The following SPAG16 variants were observed in gnomAD, a reference collection of about 807,000 sequenced individuals.
SPAG16 encodes sperm associated antigen 16.
Under a neutral mutation model 80.4 loss-of-function variants are expected in SPAG16, and 86 were observed. The ratio of observed to expected loss-of-function variants is 1.07; its 90% confidence interval spans 0.90 to 1.28. The LOEUF is 1.28. Ranked by LOEUF, SPAG16 falls within the 50% of genes most tolerant of loss-of-function variation. The pLI is 0.00. For missense variants in SPAG16, 870 were observed against 765.3 expected, an observed-to-expected ratio of 1.14 and a Z score of -1.61; for synonymous variants, 294 against 265.9, an observed-to-expected ratio of 1.11 and a Z score of -1.03.
At chr2:213,419,978 T>C (rs2069491532) in intron 9 of SPAG16, among the ~76,000 whole-genome samples, 1 of 152,226 alleles carries the variant, frequency 6.6e-6, no homozygotes, top group African/African-American at 2.4e-5. Context: ...CAGGTTGCAT[T>C]TACAATAATC....
intron 15 of SPAG16, among the ~76,000 whole-genome samples, chr2:214,228,026 A>AATTGTTAT (rs1688401749): frequency 6.6e-6 from 1 of 151,992 alleles, no homozygotes; most frequent in African/African-American, 2.4e-5. Flanking sequence ...ACAAGAAAAT[A>AATTGTTAT]ATTGAATATT....
chr2:213,648,282 G>T (rs1287473649), intron 10 of SPAG16, among the ~76,000 whole-genome samples: 2 of 152,092 alleles, frequency 1.3e-5, no homozygotes. Flanking sequence ...TGTTAATTAA[G>T]TAGCAGGTGT....
intron 9 of SPAG16, among the ~76,000 whole-genome samples, chr2:213,397,781 T>C (rs972203762): frequency 6.6e-6 from 1 of 152,190 alleles, no homozygotes; most frequent in Non-Finnish European, 1.5e-5. Flanking sequence ...GCTCAGTTCT[T>C]GACCCTCTGT....
At chr2:213,407,394 G>T (rs2068671570) in intron 9 of SPAG16, among the ~76,000 whole-genome samples, 1 of 151,934 alleles carries the variant, frequency 6.6e-6, no homozygotes, top group South Asian at 2.1e-4. Flanking sequence ...GACAGGCAAG[G>T]TGAGACACCC....
At chr2:213,693,074 A>G (rs528324623) in intron 10 of SPAG16, among the ~76,000 whole-genome samples, 5 of 152,344 alleles carry the variant, frequency 3.3e-5, no homozygotes, top group African/African-American at 1.2e-4. Flanking sequence ...TGCATTTCTA[A>G]GCAAACTATA....
At chr2:214,201,718 GATTATATGA>G (rs1052932044) in intron 15 of SPAG16, among the ~76,000 whole-genome samples, 1 of 152,336 alleles carries the variant, frequency 6.6e-6, no homozygotes, top group Non-Finnish European at 1.5e-5. Context: ...TTCTGGAATA[GATTATATGA>G]TATTCTCTGG....
intron 5 of SPAG16, among the ~76,000 whole-genome samples, chr2:213,333,390 G>T (rs1181043618): frequency 2.0e-5 from 3 of 152,058 alleles, no homozygotes; most frequent in African/African-American, 7.2e-5. Flanking sequence ...ATGTTTATGG[G>T]TTCTAAGAAT....
intron 15 of SPAG16, among the ~76,000 whole-genome samples, chr2:214,268,488 A>G (rs1489606986): frequency 6.6e-6 from 1 of 151,950 alleles, no homozygotes; most frequent in Non-Finnish European, 1.5e-5. Flanking sequence ...TAAATTTGTC[A>G]TTTTTGACAA....
chr2:213,294,601 T>A lies in SPAG16; in HGVS notation c.137-1463T>A, dbSNP rs2062426109. Among the ~76,000 whole-genome samples, 3 of 152,208 alleles carry A rather than the reference T, an allele frequency of 2.0e-5. No homozygotes were observed. The South Asian group carries it at 6.2e-4, about 31-fold the overall frequency. On this transcript the variant is annotated intron_variant, in intron 1 of 15. Transcript: ENST00000331683. The stretch of plus-strand genomic sequence containing the variant: ...TTAGGAGAGGCACTTATTCATGTTT[T>A]ACAATAAAATACTGACCTTTTGACA...
chr2:214,232,083 T>C (rs1688739138), intron 15 of SPAG16, among the ~76,000 whole-genome samples: 1 of 151,998 alleles, frequency 6.6e-6, no homozygotes, highest in African/African-American at 2.4e-5. Context: ...TTAAAAGTGA[T>C]ATTAGAATGT....
intron 10 of SPAG16, among the ~76,000 whole-genome samples, chr2:213,510,874 C>A (rs73988526): frequency 6.6e-6 from 1 of 152,046 alleles, no homozygotes; most frequent in Non-Finnish European, 1.5e-5. Flanking sequence ...AATCCTGGAA[C>A]CAATTTATAG....
intron 10 of SPAG16, among the ~76,000 whole-genome samples, chr2:213,674,759 C>T (rs2063975322): frequency 6.7e-6 from 1 of 150,340 alleles, no homozygotes. Flanking sequence ...GTATATGTGC[C>T]ACATTTTCTT....
intron 10 of SPAG16, among the ~76,000 whole-genome samples, chr2:213,798,987 G>A (rs2071211435): frequency 1.3e-5 from 2 of 152,110 alleles, no homozygotes; most frequent in African/African-American, 2.4e-5. Flanking sequence ...TTTGTAATAA[G>A]TTTTGAAATG....
intron 10 of SPAG16, among the ~76,000 whole-genome samples, chr2:213,759,889 G>A (rs1162951655): frequency 2.0e-5 from 3 of 151,956 alleles, no homozygotes; most frequent in Admixed American, 1.3e-4. Flanking sequence ...ACAAAAAATA[G>A]CTAGGTGTGG....
intron 10 of SPAG16, among the ~76,000 whole-genome samples, chr2:213,585,343 CT>C (rs1480290481): frequency 6.8e-6 from 1 of 147,898 alleles, no homozygotes; most frequent in Non-Finnish European, 1.5e-5. Flanking sequence ...GTGGTGCGAT[CT>C]TGGCTCACTG....
At chr2:213,697,848 C>A (rs562395769) in intron 10 of SPAG16, among the ~76,000 whole-genome samples, 22 of 152,254 alleles carry the variant, frequency 1.4e-4, no homozygotes, top group African/African-American at 5.3e-4. Flanking sequence ...AAACAAAAAA[C>A]CACAGAATTT....
chr2:213,585,237 T>A (rs2060428124), intron 10 of SPAG16, among the ~76,000 whole-genome samples: 1 of 150,604 alleles, frequency 6.6e-6, no homozygotes, highest in African/African-American at 2.4e-5. Flanking sequence ...TTTTGAAGGA[T>A]CCTTAAAATA....
intron 11 of SPAG16, among the ~76,000 whole-genome samples, chr2:213,919,917 A>C (rs1031158695): frequency 3.9e-5 from 6 of 152,146 alleles, no homozygotes; most frequent in Admixed American, 2.0e-4. Context: ...ATTTTGTAGG[A>C]GTCTAAGTCT....
chr2:213,521,308 TC>T (rs1470264274), intron 10 of SPAG16, among the ~76,000 whole-genome samples: 20 of 152,218 alleles, frequency 1.3e-4, no homozygotes, highest in African/African-American at 4.8e-4. Flanking sequence ...AATTCAAAGA[TC>T]CAGGTGTGGG....
Sources: allele counts gnomAD v4.1 joint callset (sites outside exome capture counted in the v4.1 genomes callset), GRCh38; gene constraint gnomAD v4.1.1; transcripts MANE v1.5; gene names NCBI Gene and HGNC (gene_info 2026-07-23, HGNC 2026-07-21).